Variants in CTIF observed in about 807,000 individuals in gnomAD.
CTIF encodes cap binding complex dependent translation initiation factor.
Under a neutral mutation model 66.0 loss-of-function variants are expected in CTIF, and 21 were observed. The observed-to-expected ratio is 0.32, with a 90% CI of 0.23 to 0.46. The LOEUF (loss-of-function observed/expected upper bound fraction) is 0.46, where lower values mean the gene tolerates loss of function less well. CTIF is among the 20% of genes least tolerant of loss of function. The pLI, the probability that CTIF is intolerant of heterozygous loss-of-function variation, is 1.00. For missense variants in CTIF, 739 were observed against 812.7 expected (o/e 0.91, Z 1.10); for synonymous variants, 345 against 326.4 (o/e 1.06, Z -0.62).
In CTIF at chr18:48,568,633, T is replaced by TAAAAAAAAAAAAAAAAAAAAAAA. The variant is rs58084631; in HGVS notation, c.-29+29334_-29+29356dup. Among the ~76,000 whole-genome samples, 22 of 36,642 alleles carry TAAAAAAAAAAAAAAAAAAAAAAA rather than the reference T, an allele frequency of 6.0e-4. 7 individuals carry two copies. The highest frequency in any genetic ancestry group is 3.4e-3 in the East Asian group (4 of 1,174). 24.0% of individuals were successfully genotyped at this position (36,642 alleles called of 152,430 possible). On this transcript the variant is annotated intron_variant, in intron 1 of 11. Transcript: ENST00000256413. ...GAAATACCTGAGACTGGGCAATTTGTAAAAAAAAAAAAAAAAAAAAAAAAA... is the reference window on the plus strand; with the variant it reads ...GAAATACCTGAGACTGGGCAATTTGTAAAAAAAAAAAAAAAAAAAAAAAAAAAAAAAAAAAAAAAAAAAAAAAA...
At chr18:48,740,186 TCC>T (rs2092541720) in intron 7 of CTIF, among the ~76,000 whole-genome samples, 1 of 152,248 alleles carries the variant, frequency 6.6e-6, no homozygotes, top group African/African-American at 2.4e-5. Context: ...CTCGGGCAAT[TCC>T]CCTTCTTTCT....
At position 48,760,189 on chromosome 18, in the gene CTIF, T is replaced by TC. The variant is rs1345211696; in HGVS notation, c.1072-1201_1072-1200insC. The TC allele has an allele frequency of 3.5e-3, 510 of 147,214 alleles. 3 individuals are homozygous for TC. Among genetic ancestry groups the TC allele is most frequent in the African/African-American group, 9.0e-3 (356 of 39,646 alleles). The allele number at this position is 147,214 out of a possible 1,614,324, so 9.1% of individuals were successfully genotyped here. A position where few individuals can be genotyped will look rare whatever the true frequency, so the allele number is the denominator to read the frequency against. ...TCACCCAGGATTCAGCCCTTTCTTT[T>TC]TTTTTTTTTTTTTTTTGAGATGGAG... On this transcript the variant is annotated intron_variant, in intron 8 of 11. Transcript: ENST00000256413.
At chr18:48,840,000 G>A (rs184821930) in intron 10 of CTIF, among the ~76,000 whole-genome samples, 76 of 152,306 alleles carry the variant, frequency 5.0e-4, no homozygotes, top group African/African-American at 1.7e-3. Flanking sequence ...AGTCTAGGTA[G>A]ATGCTAGACT....
intron 1 of CTIF, among the ~76,000 whole-genome samples, chr18:48,551,802 CTTT>C (rs201914756): frequency 1.4e-5 from 2 of 143,820 alleles, no homozygotes; most frequent in African/African-American, 2.5e-5. Context: ...CTTTCTTTTT[CTTT>C]TTTTTTTTTG....
At chr18:48,764,737 A>G (rs1909355734) in intron 9 of CTIF, among the ~76,000 whole-genome samples, 2 of 152,144 alleles carry the variant, frequency 1.3e-5, no homozygotes, top group South Asian at 4.1e-4. Flanking sequence ...AGAAATCTAA[A>G]TGTCCACATA....
chr18:48,577,193 C>T (rs760224892), intron 1 of CTIF, among the ~76,000 whole-genome samples: 4 of 152,222 alleles, frequency 2.6e-5, no homozygotes, highest in East Asian at 1.9e-4. Flanking sequence ...GGAATCTGAC[C>T]TGTGTTTCCG....
chr18:48,697,275 C>T (rs921454080), intron 6 of CTIF, among the ~76,000 whole-genome samples: 1 of 152,206 alleles, frequency 6.6e-6, no homozygotes, highest in Non-Finnish European at 1.5e-5. Flanking sequence ...AAGCATGGCT[C>T]CTGAGCTCCT....
intron 8 of CTIF, chr18:48,760,400 G>C (rs530926593): frequency 6.6e-6 from 1 of 152,018 alleles, no homozygotes; most frequent in African/African-American, 2.4e-5. Context: ...AGATTTTCTC[G>C]TCTAACCTCA....
In CTIF at chr18:48,664,600, G is replaced by A. The variant is rs776052904; in HGVS notation, c.431+49G>A. ...CCAGGGTGGGGTGGGGCAGGGGACG[G>A]GAGTGGCCTTTGCCTCCACAGGGAG... is the stretch of plus-strand genomic sequence containing the variant. On this transcript the variant is annotated intron_variant, in intron 5 of 11. Coordinates refer to ENST00000256413, the MANE Select transcript of CTIF (RefSeq NM_014772.3). 7 of 1,539,598 alleles carry A rather than the reference G, an allele frequency of 4.5e-6. No individual in the cohort carries two copies. The South Asian group carries it at 7.8e-5, about 17-fold the overall frequency.
intron 9 of CTIF, among the ~76,000 whole-genome samples, chr18:48,781,611 A>G (rs984950473): frequency 3.9e-5 from 6 of 152,146 alleles, no homozygotes; most frequent in Admixed American, 1.3e-4. Flanking sequence ...AAAGTGACCT[A>G]TGGAGCCAGC....
Position 48,640,283 on chromosome 18 carries a change from C to T in CTIF, c.252+3598C>T, listed in dbSNP as rs906927844. 4.6e-5 allele frequency among the ~76,000 whole-genome samples: 7 copies of T among 152,358 alleles called. 1 individual carries two copies. In the South Asian group the frequency reaches 8.3e-4, roughly 18 times the overall value. ...CTCATGCTGTTGCCAAGCTGTTCCG[C>T]GCACACCTGCCTGTGCCTCAGCCAG... On this transcript the variant is annotated intron_variant, in intron 3 of 11. Coordinates refer to ENST00000256413, the MANE Select transcript of CTIF (RefSeq NM_014772.3).
At chr18:48,820,231 G>A (rs1191754343) in intron 10 of CTIF, among the ~76,000 whole-genome samples, 1 of 152,136 alleles carries the variant, frequency 6.6e-6, no homozygotes, top group African/African-American at 2.4e-5. Context: ...GGTGCCCTAC[G>A]GATCTCAACA....
chr18:48,607,973 G>C (rs2090234348), intron 1 of CTIF, among the ~76,000 whole-genome samples: 1 of 152,152 alleles, frequency 6.6e-6, no homozygotes, highest in African/African-American at 2.4e-5. Context: ...AACTCCCAAG[G>C]GCAATCCTTC....
At chr18:48,551,492 T>C (rs1375966647) in intron 1 of CTIF, among the ~76,000 whole-genome samples, 1 of 152,200 alleles carries the variant, frequency 6.6e-6, no homozygotes, top group African/African-American at 2.4e-5. Flanking sequence ...TGTGGTCCTC[T>C]GTTATGGCAG....
intron 1 of CTIF, among the ~76,000 whole-genome samples, chr18:48,546,966 C>T (rs1360722289): frequency 6.6e-6 from 1 of 152,160 alleles, no homozygotes; most frequent in Non-Finnish European, 1.5e-5. Context: ...CATGTAAAGA[C>T]TTGGGGGCCA....
chr18:48,684,135 C>T (rs893154277), intron 6 of CTIF, among the ~76,000 whole-genome samples: 3 of 152,196 alleles, frequency 2.0e-5, no homozygotes, highest in Admixed American at 6.5e-5. Context: ...TCATCTCCAA[C>T]GTAGTATAAT....
chr18:48,552,665 C>T (rs1043021227), intron 1 of CTIF, among the ~76,000 whole-genome samples: 2 of 152,174 alleles, frequency 1.3e-5, no homozygotes, highest in Admixed American at 6.5e-5. Context: ...CTAATACCAT[C>T]GAGTCAGTGG....
intron 9 of CTIF, among the ~76,000 whole-genome samples, chr18:48,762,020 C>G (rs975954126): frequency 4.6e-5 from 7 of 152,222 alleles, no homozygotes; most frequent in Admixed American, 3.9e-4. Flanking sequence ...TCTCTACATC[C>G]AAGCAGACAT....
intron 7 of CTIF, among the ~76,000 whole-genome samples, chr18:48,745,460 C>T (rs1364023107): frequency 6.6e-6 from 1 of 152,226 alleles, no homozygotes; most frequent in Non-Finnish European, 1.5e-5. Context: ...TTCTGTTTTT[C>T]TTCAAAACTT....
Sources: gnomAD v4.1 joint callset for allele counts (sites outside exome capture counted in the v4.1 genomes callset) on GRCh38, gnomAD v4.1.1 for gene constraint, MANE v1.5 for transcripts, NCBI Gene and HGNC (gene_info 2026-07-23, HGNC 2026-07-21) for gene names.